The following ZNF431 variants were observed in gnomAD, a reference collection of about 807,000 sequenced individuals.
ZNF431 encodes the protein zinc finger protein 431.
A neutral mutation model predicts 57.0 loss-of-function variants in ZNF431; 34 were observed. That is an observed-to-expected ratio of 0.60 (90% CI 0.45 to 0.79). The LOEUF is 0.79. ZNF431 is among the 30% of genes least tolerant of loss of function. The pLI is 0.00. For synonymous variants in ZNF431, 207 were observed against 220.3 expected, an observed-to-expected ratio of 0.94 and a Z score of 0.54; for missense variants, 607 against 667.1, an observed-to-expected ratio of 0.91 and a Z score of 0.99.
rs938448167 is a variant in ZNF431, at chr19:21,194,616, C to T, written c.*10582C>T. 2 of 151,850 alleles carry T rather than the reference C, an allele frequency of 1.3e-5. No individual in the cohort carries two copies. The highest frequency in any genetic ancestry group is 6.6e-5 in the Admixed American group (1 of 15,208). The allele number at this position is 151,850 out of a possible 1,614,324, so 9.4% of individuals were successfully genotyped here. A position where few individuals can be genotyped will look rare whatever the true frequency, so the allele number is the denominator to read the frequency against. On this transcript the variant is annotated 3_prime_UTR_variant, in exon 5 of 5. Coordinates refer to ENST00000311048, the MANE Select transcript of ZNF431 (RefSeq NM_133473.4). ...CCCAAGTAGCTGGGATTACAGGTGC[C>T]CACCAGCACACCTGGCTAATTTTTA...
intron 2 of ZNF431, among the ~76,000 whole-genome samples, chr19:21,155,433 A>G (rs978246599): frequency 2.0e-5 from 3 of 152,212 alleles, no homozygotes; most frequent in South Asian, 2.1e-4. Flanking sequence ...GCCTTGTTGT[A>G]TAGTTTGAAG....
chr19:21,183,144 A>G lies in ZNF431; in HGVS notation c.841A>G (p.Ile281Val). The G allele has an allele frequency of 6.2e-7, 1 of 1,613,996 alleles. No individual in the cohort carries two copies. Among genetic ancestry groups the G allele is most frequent in the South Asian group, 1.1e-5 (1 of 91,072 alleles). The change falls in exon 5 of 5, where the codon ATT becomes GTT. Residue 281 changes from isoleucine to valine, a missense_variant. Coordinates refer to ENST00000311048, the MANE Select transcript of ZNF431 (RefSeq NM_133473.4). ...CTCAACCCTTACTACACATAAGATA[A>G]TTCATACTGGGGAGAAACCATATAG... The part of the protein sequence containing the change: ...QSSTLTTHKI[I>V]HTGEKPYRCE...
At chr19:21,172,419 T>G (rs1970926569) in intron 4 of ZNF431, among the ~76,000 whole-genome samples, 1 of 146,978 alleles carries the variant, frequency 6.8e-6, no homozygotes, top group Non-Finnish European at 1.5e-5. Flanking sequence ...GAGAGCGAGA[T>G]TCCATCTCAA....
rs1971408519 is a variant in ZNF431, at chr19:21,187,668, G to T, written c.*3634G>T. 6.6e-6 allele frequency: 1 copy of T among 152,130 alleles called. No homozygotes were observed. Among genetic ancestry groups the T allele is most frequent in the African/African-American group, 2.4e-5 (1 of 41,402 alleles). The allele number at this position is 152,130 out of a possible 1,614,324, so 9.4% of individuals were successfully genotyped here. On this transcript the variant is annotated 3_prime_UTR_variant, in exon 5 of 5. Coordinates refer to ENST00000311048, the MANE Select transcript of ZNF431 (RefSeq NM_133473.4). ...CAGGAGAATCGCTTGAACACGACAG[G>T]TGGAGGTTGCAGTGTGGCGAGATTG...
chr19:21,161,679 G>C (rs1275072068), intron 2 of ZNF431, among the ~76,000 whole-genome samples: 1 of 152,090 alleles, frequency 6.6e-6, no homozygotes, highest in Non-Finnish European at 1.5e-5. Context: ...CTAAGATGGA[G>C]TTTTGCTCTT....
chr19:21,147,273 C>T (rs1009511242), intron 2 of ZNF431, among the ~76,000 whole-genome samples: 13 of 152,078 alleles, frequency 8.5e-5, no homozygotes, highest in Admixed American at 2.0e-4. Flanking sequence ...GATTATCTGA[C>T]GTCAGGAGTT....
intron 2 of ZNF431, among the ~76,000 whole-genome samples, chr19:21,161,453 A>G (rs1970563171): frequency 6.6e-6 from 1 of 152,196 alleles, no homozygotes; most frequent in South Asian, 2.1e-4. Flanking sequence ...AAATTATCCT[A>G]GAAAACCTTG....
intron 2 of ZNF431, among the ~76,000 whole-genome samples, chr19:21,156,696 GTTT>G (rs111603559): frequency 7.3e-5 from 1 of 13,764 alleles, no homozygotes; most frequent in African/African-American, 1.2e-4. Context: ...ACTTAATCTT[GTTT>G]TTTTTTTTTA....
At chr19:21,154,365 C>T (rs1970362187) in intron 2 of ZNF431, among the ~76,000 whole-genome samples, 1 of 152,156 alleles carries the variant, frequency 6.6e-6, no homozygotes, top group African/African-American at 2.4e-5. Context: ...TTTTTTATGG[C>T]TGCATAGTAT....
At chr19:21,147,178 C>A (rs1970124833) in intron 2 of ZNF431, among the ~76,000 whole-genome samples, 1 of 152,094 alleles carries the variant, frequency 6.6e-6, no homozygotes. Context: ...CTAAAGTTAT[C>A]ACAAACTTGC....
At position 21,166,149 on chromosome 19, in the gene ZNF431, C is replaced by G. The variant is rs569143632; in HGVS notation, c.97-186C>G. On this transcript the variant is annotated intron_variant, in intron 2 of 4. Coordinates refer to ENST00000311048, the MANE Select transcript of ZNF431 (RefSeq NM_133473.4). The stretch of plus-strand genomic sequence containing the variant: ...GGTGTTGTGGATCTTAGGCCATTCT[C>G]TGCCCTCAGAGTAGGAGAATACATT... Among the ~76,000 whole-genome samples the G allele has an allele frequency of 2.2e-4, 33 of 149,700 alleles. No individual in the cohort carries two copies. The South Asian group carries it at 4.3e-3, about 20-fold the overall frequency.
intron 4 of ZNF431, among the ~76,000 whole-genome samples, chr19:21,180,830 C>T (rs1599618288): frequency 6.6e-6 from 1 of 151,872 alleles, no homozygotes; most frequent in East Asian, 1.9e-4. Context: ...ACCTGTAGTC[C>T]CAGCTACTCG....
At chr19:21,168,644 G>A (rs935417525) in intron 4 of ZNF431, among the ~76,000 whole-genome samples, 3 of 152,090 alleles carry the variant, frequency 2.0e-5, no homozygotes, top group African/African-American at 4.8e-5. Flanking sequence ...GGGATTATGG[G>A]TGTAAGCCAC....
rs1410884219 is a variant in ZNF431, at chr19:21,193,243, G to C, written c.*9209G>C. 1 of 152,066 alleles carries C rather than the reference G, an allele frequency of 6.6e-6. No homozygotes were observed. Among genetic ancestry groups the C allele is most frequent in the Non-Finnish European group, 1.5e-5 (1 of 68,012 alleles). The allele number at this position is 152,066 out of a possible 1,614,324, so 9.4% of individuals were successfully genotyped here. A position where few individuals can be genotyped will look rare whatever the true frequency, so the allele number is the denominator to read the frequency against. ...CACCCTAACTCATTATATAAAATCTGTATCGCTGCACGAGGTGGCTCACGC... is the reference window on the plus strand; with the variant it reads ...CACCCTAACTCATTATATAAAATCTCTATCGCTGCACGAGGTGGCTCACGC... On this transcript the variant is annotated 3_prime_UTR_variant, in exon 5 of 5. Transcript: ENST00000311048.
chr19:21,169,653 T>A (rs1364559437), intron 4 of ZNF431: 1 of 394,244 alleles, frequency 2.5e-6, no homozygotes, highest in African/African-American at 2.1e-5. Flanking sequence ...TTGTATATAT[T>A]CTTTAAGACT....
chr19:21,146,744 C>T (rs1185909370), intron 2 of ZNF431, among the ~76,000 whole-genome samples: 1 of 152,134 alleles, frequency 6.6e-6, no homozygotes. Flanking sequence ...TGACTTGTAT[C>T]TTGTGCTGAC....
chr19:21,179,860 A>G (rs978433304), intron 4 of ZNF431, among the ~76,000 whole-genome samples: 1 of 151,944 alleles, frequency 6.6e-6, no homozygotes, highest in South Asian at 2.1e-4. Context: ...ACGCCCGGCT[A>G]CATTGTCTCT....
intron 2 of ZNF431, among the ~76,000 whole-genome samples, chr19:21,152,395 A>G: frequency 6.6e-6 from 1 of 152,106 alleles, no homozygotes; most frequent in Non-Finnish European, 1.5e-5. Flanking sequence ...ATTAACACTT[A>G]AGTTTTCCCT....
intron 2 of ZNF431, among the ~76,000 whole-genome samples, chr19:21,146,085 A>T (rs909506920): frequency 1.3e-5 from 2 of 152,214 alleles, no homozygotes; most frequent in African/African-American, 2.4e-5. Context: ...GTTCTACCAG[A>T]AAGAGGTCCC....
Sources: allele counts gnomAD v4.1 joint callset (sites outside exome capture counted in the v4.1 genomes callset), GRCh38; gene constraint gnomAD v4.1.1; transcripts MANE v1.5; gene names NCBI Gene and HGNC (gene_info 2026-07-23, HGNC 2026-07-21).